Variants in XPR1 observed in about 807,000 individuals in gnomAD.
The protein encoded by XPR1 is xenotropic and polytropic retrovirus receptor 1.
In XPR1, 28 loss-of-function variants were observed where a neutral mutation model predicts 87.5. That is an observed-to-expected ratio of 0.32 (90% CI 0.24 to 0.44). XPR1 has a LOEUF of 0.44. XPR1 is among the 20% of genes least tolerant of loss of function. The pLI, the probability that XPR1 is intolerant of heterozygous loss-of-function variation, is 1.00. For synonymous variants in XPR1, 300 were observed against 306.1 expected (o/e 0.98, Z 0.21); for missense variants, 559 against 862.3 (o/e 0.65, Z 4.41).
chr1:180,803,637 T>G, intron 4 of XPR1, 26 bp downstream of exon 4: 1 of 1,582,936 alleles, frequency 6.3e-7, no homozygotes, highest in Non-Finnish European at 8.6e-7. Flanking sequence ...CCCTAGAAAA[T>G]GGCACCTTTA....
chr1:180,705,644 G>A (rs6693045), intron 2 of XPR1, among the ~76,000 whole-genome samples: 6,557 of 152,076 alleles, frequency 0.043, 506 homozygotes, highest in African/African-American at 0.15. Context: ...TTATTTTCAC[G>A]TTCCTGTTTT....
chr1:180,878,610 C>T (rs1652737474), intron 13 of XPR1, among the ~76,000 whole-genome samples: 1 of 152,178 alleles, frequency 6.6e-6, no homozygotes, highest in Non-Finnish European at 1.5e-5. Context: ...GGTTAAGTAA[C>T]TCATCCAAGG....
intron 2 of XPR1, among the ~76,000 whole-genome samples, chr1:180,787,257 G>T (rs1331457283): frequency 6.6e-6 from 1 of 150,634 alleles, no homozygotes; most frequent in Non-Finnish European, 1.5e-5. Context: ...AAGAAGGTTT[G>T]TGTGTGGTCT....
At chr1:180,674,594 A>G (rs1041121942) in intron 1 of XPR1, among the ~76,000 whole-genome samples, 1 of 150,042 alleles carries the variant, frequency 6.7e-6, no homozygotes, top group Non-Finnish European at 1.5e-5. Flanking sequence ...GGTTTTTACT[A>G]TGTTGTGCAG....
At position 180,669,281 on chromosome 1, in the gene XPR1, T is replaced by A. The variant is rs1180247122; in HGVS notation, c.70-13079T>A. Among the ~76,000 whole-genome samples, 3 of 152,218 alleles carry A rather than the reference T, an allele frequency of 2.0e-5. No individual in the cohort carries two copies. In the South Asian group the frequency reaches 6.2e-4, roughly 31 times the overall value. Reference sequence around the variant, plus strand: ...GAGATATTGAAGTCTCCAGCTATTATTGTATAAGTATGTATTTTTTTCTCT... The same window carrying A: ...GAGATATTGAAGTCTCCAGCTATTAATGTATAAGTATGTATTTTTTTCTCT... On this transcript the variant is annotated intron_variant, in intron 1 of 14. Transcript: ENST00000367590.
chr1:180,797,357 G>A (rs999638802), intron 3 of XPR1, among the ~76,000 whole-genome samples: 4 of 152,166 alleles, frequency 2.6e-5, no homozygotes, highest in Admixed American at 6.5e-5. Context: ...GTGACTGAGA[G>A]AGTTGTTAAA....
At chr1:180,832,238 GT>G (rs565540740) in intron 9 of XPR1, among the ~76,000 whole-genome samples, 8 of 150,428 alleles carry the variant, frequency 5.3e-5, no homozygotes, top group East Asian at 1.9e-4. Flanking sequence ...CTTTTTGATG[GT>G]TTTTTTTTCT....
In XPR1 at chr1:180,726,193, A is replaced by G. The variant is rs955654629; in HGVS notation, c.121+43782A>G. Among the ~76,000 whole-genome samples, 3 of 152,202 alleles carry G rather than the reference A, an allele frequency of 2.0e-5. No homozygotes were observed. In the South Asian group the frequency reaches 6.2e-4, roughly 32 times the overall value. ...TATGTGTCTAGCTAAAGGTTTGTAA[A>G]TGCACCAATCAGCACTCTATAAAAT... On this transcript the variant is annotated intron_variant, in intron 2 of 14. Transcript: ENST00000367590.
At chr1:180,782,078 T>C (rs561819903) in intron 2 of XPR1, among the ~76,000 whole-genome samples, 2 of 152,142 alleles carry the variant, frequency 1.3e-5, no homozygotes, top group South Asian at 4.2e-4. Context: ...TGATTTAATA[T>C]TTATTTAACT....
intron 1 of XPR1, among the ~76,000 whole-genome samples, chr1:180,650,974 A>C (rs557273483): frequency 1.0e-3 from 157 of 152,344 alleles, no homozygotes; most frequent in African/African-American, 2.8e-3. Context: ...CCACAGAAAT[A>C]ACTTTTTTTA....
intron 2 of XPR1, among the ~76,000 whole-genome samples, chr1:180,743,271 T>C (rs1232539654): frequency 1.3e-5 from 2 of 151,870 alleles, no homozygotes; most frequent in African/African-American, 2.4e-5. Flanking sequence ...GTATCAGTTG[T>C]ATTTTTTCTT....
At chr1:180,773,361 T>A (rs376207015) in intron 2 of XPR1, among the ~76,000 whole-genome samples, 17 of 152,162 alleles carry the variant, frequency 1.1e-4, no homozygotes, top group Non-Finnish European at 2.4e-4. Flanking sequence ...GGTTGAGATA[T>A]CAGATGAATT....
At chr1:180,849,281 G>T (rs909420335) in intron 11 of XPR1, among the ~76,000 whole-genome samples, 1 of 152,190 alleles carries the variant, frequency 6.6e-6, no homozygotes, top group Non-Finnish European at 1.5e-5. Flanking sequence ...TTTTGCTTGC[G>T]CAAGGTCACA....
At chr1:180,811,346 G>A in intron 6 of XPR1, 61 bp from the exon 7 acceptor site, 2 of 1,292,868 alleles carry the variant, frequency 1.5e-6, no homozygotes, top group Non-Finnish European at 1.1e-6. Context: ...TTTTATTACA[G>A]CATATAGTAA....
intron 2 of XPR1, among the ~76,000 whole-genome samples, chr1:180,693,955 T>G (rs182140394): frequency 9.6e-4 from 146 of 152,172 alleles, no homozygotes; most frequent in African/African-American, 3.2e-3. Context: ...TAAAAAAATT[T>G]TTGTTGTTGT....
chr1:180,727,646 A>G (rs1010274052), intron 2 of XPR1, among the ~76,000 whole-genome samples: 3 of 152,206 alleles, frequency 2.0e-5, no homozygotes, highest in African/African-American at 7.2e-5. Flanking sequence ...CTCCATCTCA[A>G]AAACCAACCA....
intron 7 of XPR1, among the ~76,000 whole-genome samples, chr1:180,813,664 A>G (rs1227439090): frequency 6.6e-6 from 1 of 152,188 alleles, no homozygotes; most frequent in Non-Finnish European, 1.5e-5. Context: ...CACATGCACA[A>G]ACAGCAGAAA....
intron 6 of XPR1, among the ~76,000 whole-genome samples, chr1:180,810,520 A>G (rs533505349): frequency 5.3e-5 from 8 of 152,058 alleles, no homozygotes; most frequent in Non-Finnish European, 1.2e-4. Flanking sequence ...TTGAGGCTTC[A>G]GTAAGCTGTG....
intron 2 of XPR1, among the ~76,000 whole-genome samples, chr1:180,750,489 A>G (rs1010372745): frequency 2.0e-5 from 3 of 152,154 alleles, no homozygotes; most frequent in African/African-American, 7.2e-5. Flanking sequence ...CAAATATATT[A>G]AGGAAGAATT....
Sources: gnomAD v4.1 joint callset for allele counts (sites outside exome capture counted in the v4.1 genomes callset) on GRCh38, gnomAD v4.1.1 for gene constraint, MANE v1.5 for transcripts, NCBI Gene and HGNC (gene_info 2026-07-23, HGNC 2026-07-21) for gene names.